The following CNRIP1 variants were observed in gnomAD, a reference collection of about 807,000 sequenced individuals.
The protein encoded by CNRIP1 is CB1 cannabinoid receptor-interacting protein 1.
A neutral mutation model predicts 15.2 loss-of-function variants in CNRIP1; 10 were observed. The observed-to-expected ratio is 0.66, with a 90% CI of 0.41 to 1.12. CNRIP1 has a LOEUF of 1.12. CNRIP1 is among the 50% of genes most tolerant of loss of function. The probability of loss-of-function intolerance (pLI) is 0.00; values close to 1 mark genes in which losing one functional copy is unlikely to be tolerated. For synonymous variants in CNRIP1, 91 were observed against 83.2 expected, an observed-to-expected ratio of 1.09 and a Z score of -0.51; for missense variants, 211 against 214.7, an observed-to-expected ratio of 0.98 and a Z score of 0.11.
At chr2:68,284,646 AC>A (rs1348577231) in intron 2 of CNRIP1, among the ~76,000 whole-genome samples, 1 of 151,996 alleles carries the variant, frequency 6.6e-6, no homozygotes, top group African/African-American at 2.4e-5. Flanking sequence ...CCCCATCTCT[AC>A]TAAAAATACA....
At chr2:68,292,770 C>T (rs565131348), downstream of CNRIP1, among the ~76,000 whole-genome samples, 6 of 152,210 alleles carry the variant, frequency 3.9e-5, no homozygotes, top group Admixed American at 6.5e-5. Context: ...AGTAATGGAG[C>T]GAGATAGGTA....
At chr2:68,303,618 C>A (rs1671701521) in intron 2 of CNRIP1, among the ~76,000 whole-genome samples, 1 of 152,242 alleles carries the variant, frequency 6.6e-6, no homozygotes, top group South Asian at 2.1e-4. Flanking sequence ...CGATTCAAAA[C>A]TTCTTCCTAT....
chr2:68,318,221 C>T (rs899065104), intron 1 of CNRIP1, among the ~76,000 whole-genome samples: 28 of 152,102 alleles, frequency 1.8e-4, no homozygotes, highest in Admixed American at 4.6e-4. Flanking sequence ...GTCCTTGCAC[C>T]TTGGAAGGCT....
rs778286356 is a variant in CNRIP1 at position 68,317,159 on chromosome 2, G to T, written c.328C>A (p.Pro110Thr). The change falls in exon 2 of 3, where the codon CCG becomes ACG. Residue 110 changes from proline (P) to threonine (T), a missense_variant and splice_region_variant. By Grantham distance (38) the Pro-to-Thr change is conservative (BLOSUM62 -1). Coordinates refer to ENST00000263655, the MANE Select transcript of CNRIP1 (RefSeq NM_015463.3). The part of the protein sequence containing the change: ...GERQPIQITM[P>T]FTDIGTFETV... ...CTATACCCGCAAGCAAGCCTTACCG[G>T]CATGGTGATCTGGATGGGTTGCCGT... 2.5e-6 allele frequency: 4 copies of T among 1,614,154 alleles called. No homozygotes were observed. The highest frequency in any genetic ancestry group is 4.5e-5 in the East Asian group (2 of 44,888).
chr2:68,293,739 G>A lies in CNRIP1; in HGVS notation c.*123C>T. 2.0e-6 allele frequency: 3 copies of A among 1,489,100 alleles called. 1 individual carries two copies. Among genetic ancestry groups the A allele is most frequent in the African/African-American group, 2.8e-5 (2 of 71,612 alleles). 92.2% of individuals were successfully genotyped at this position (1,489,100 alleles called of 1,614,324 possible). A position where few individuals can be genotyped will look rare whatever the true frequency, so the allele number is the denominator to read the frequency against. On this transcript the variant is annotated 3_prime_UTR_variant, in exon 3 of 3. Coordinates refer to ENST00000263655, the MANE Select transcript of CNRIP1 (RefSeq NM_015463.3). ...TACACTTTCAAAATAACCAGGGCTA[G>A]TAGGTCATTAGTACCAGATGGGGAA... is the stretch of plus-strand genomic sequence containing the variant.
chr2:68,292,225 A>C (rs970420776), downstream of CNRIP1, among the ~76,000 whole-genome samples: 1 of 147,000 alleles, frequency 6.8e-6, no homozygotes, highest in Non-Finnish European at 1.5e-5. Flanking sequence ...TGAAGACTTT[A>C]AAAAAAAACA....
chr2:68,303,042 T>C (rs866305181), intron 2 of CNRIP1, among the ~76,000 whole-genome samples: 2 of 151,672 alleles, frequency 1.3e-5, no homozygotes, highest in African/African-American at 4.8e-5. Context: ...AGAGACGGGG[T>C]TTCACTGTGT....
chr2:68,312,964 A>G (rs192998407), intron 2 of CNRIP1, among the ~76,000 whole-genome samples: 1 of 152,248 alleles, frequency 6.6e-6, no homozygotes, highest in East Asian at 1.9e-4. Flanking sequence ...TAAGATGTCA[A>G]ATATCTTTAA....
chr2:68,295,972 T>C (rs1243655322), intron 2 of CNRIP1, among the ~76,000 whole-genome samples: 1 of 152,216 alleles, frequency 6.6e-6, no homozygotes, highest in Non-Finnish European at 1.5e-5. Flanking sequence ...ATGCTGCTAA[T>C]GGGAATTGAA....
chr2:68,296,450 G>A (rs1671360061), intron 2 of CNRIP1, among the ~76,000 whole-genome samples: 1 of 151,974 alleles, frequency 6.6e-6, no homozygotes, highest in African/African-American at 2.4e-5. Context: ...GAGATAGGAG[G>A]ATTGCTTGAG....
At position 68,319,427 on chromosome 2, in the gene CNRIP1, C is replaced by T; in HGVS notation, c.-27G>A. 1 of 1,506,472 alleles carries T rather than the reference C, an allele frequency of 6.6e-7. No homozygotes were observed. The highest frequency in any genetic ancestry group is 8.9e-7 in the Non-Finnish European group (1 of 1,128,942). 93.3% of individuals were successfully genotyped at this position (1,506,472 alleles called of 1,614,324 possible). A position where few individuals can be genotyped will look rare whatever the true frequency, so the allele number is the denominator to read the frequency against. On this transcript the variant is annotated 5_prime_UTR_variant, in exon 1 of 3. Coordinates refer to ENST00000263655, the MANE Select transcript of CNRIP1 (RefSeq NM_015463.3). ...TCTGGGCGAGGGTCTGGCGCGGCGG[C>T]TCCGGGGGGCGGAGGACAGCGCCGG...
intron 2 of CNRIP1, among the ~76,000 whole-genome samples, chr2:68,315,552 GATACATTCATAAA>G (rs1672239590): frequency 6.6e-6 from 1 of 152,008 alleles, no homozygotes; most frequent in Non-Finnish European, 1.5e-5. Context: ...AGGATAATTT[GATACATTCATAAA>G]ATACAATACC....
chr2:68,304,792 T>G (rs1045195742), intron 2 of CNRIP1, among the ~76,000 whole-genome samples: 4 of 152,174 alleles, frequency 2.6e-5, no homozygotes, highest in African/African-American at 9.7e-5. Context: ...TCTAATAGGC[T>G]GATAATAAAG....
chr2:68,301,296 A>G (rs988737135), intron 2 of CNRIP1, among the ~76,000 whole-genome samples: 1 of 152,212 alleles, frequency 6.6e-6, no homozygotes, highest in Non-Finnish European at 1.5e-5. Flanking sequence ...AAACCATATA[A>G]TTATATCCAT....
rs397984916 is a variant in CNRIP1 at position 68,311,779 on chromosome 2, G to GGA, written c.330+5377_330+5378insTC. Among the ~76,000 whole-genome samples the GGA allele has an allele frequency of 9.9e-3, 892 of 90,130 alleles. 6 individuals are homozygous for GGA. The highest frequency in any genetic ancestry group is 0.014 in the Non-Finnish European group (667 of 47,364). 59.1% of individuals were successfully genotyped at this position (90,130 alleles called of 152,430 possible). A position where few individuals can be genotyped will look rare whatever the true frequency, so the allele number is the denominator to read the frequency against. Reference sequence around the variant, plus strand: ...GACAGAGTGAGACTCCATCTCCGGGGAAAAAAAAAAAAAAAAAAAAAAAGA... The same window carrying GGA: ...GACAGAGTGAGACTCCATCTCCGGGGGAAAAAAAAAAAAAAAAAAAAAAAAGA... On this transcript the variant is annotated intron_variant, in intron 2 of 2. Coordinates refer to ENST00000263655, the MANE Select transcript of CNRIP1 (RefSeq NM_015463.3).
At position 68,319,636 on chromosome 2, in the gene CNRIP1, G is replaced by T. The variant is rs901579402; in HGVS notation, c.-236C>A. 1.0e-5 allele frequency: 5 copies of T among 481,854 alleles called. No individual in the cohort carries two copies. The highest frequency in any genetic ancestry group is 1.5e-5 in the Non-Finnish European group (4 of 273,666). 29.8% of individuals were successfully genotyped at this position (481,854 alleles called of 1,614,324 possible). The stretch of plus-strand genomic sequence containing the variant: ...CGGCGAGGAAGCGGGCCCAAGAGAC[G>T]GCTCCAAGGCCGCGCGCTTCCCCAT... On this transcript the variant is annotated 5_prime_UTR_variant, in exon 1 of 3. Coordinates refer to ENST00000263655, the MANE Select transcript of CNRIP1 (RefSeq NM_015463.3).
intron 2 of CNRIP1, among the ~76,000 whole-genome samples, chr2:68,297,923 AC>A (rs1023607418): frequency 1.2e-4 from 19 of 152,290 alleles, no homozygotes; most frequent in Admixed American, 1.1e-3. Context: ...GAAAAATATT[AC>A]CTTCTAAGTA....
At chr2:68,300,073 C>A (rs939189185) in intron 2 of CNRIP1, among the ~76,000 whole-genome samples, 6 of 152,148 alleles carry the variant, frequency 3.9e-5, no homozygotes, top group Non-Finnish European at 8.8e-5. Flanking sequence ...CCTTTCTATT[C>A]CTGAATTGTT....
At chr2:68,296,444 TAGG>T (rs1318903763) in intron 2 of CNRIP1, among the ~76,000 whole-genome samples, 1 of 151,850 alleles carries the variant, frequency 6.6e-6, no homozygotes, top group African/African-American at 2.4e-5. Context: ...GAGACTGAGA[TAGG>T]AGGATTGCTT....
Sources: gnomAD v4.1 joint callset for allele counts (sites outside exome capture counted in the v4.1 genomes callset) on GRCh38, gnomAD v4.1.1 for gene constraint, MANE v1.5 for transcripts, NCBI Gene and HGNC (gene_info 2026-07-23, HGNC 2026-07-21) for gene names.